The following PRELID2 variants were observed in gnomAD, a reference collection of about 807,000 sequenced individuals.
The protein encoded by PRELID2 is PRELI domain-containing protein 2.
PRELID2 carries 25 observed loss-of-function variants against 28.4 expected under a neutral mutation model. The observed-to-expected ratio is 0.88, with a 90% CI of 0.64 to 1.23. The LOEUF (loss-of-function observed/expected upper bound fraction) is 1.23, where lower values mean the gene tolerates loss of function less well. PRELID2 is among the 50% of genes most tolerant of loss of function. The pLI is 0.00. For missense variants in PRELID2, 201 were observed against 214.4 expected, an observed-to-expected ratio of 0.94 and a Z score of 0.39; for synonymous variants, 76 against 71.6, an observed-to-expected ratio of 1.06 and a Z score of -0.31.
At chr5:145,702,305 G>C (rs771828375) in intron 1 of PRELID2, among the ~76,000 whole-genome samples, 1 of 152,214 alleles carries the variant, frequency 6.6e-6, no homozygotes, top group Middle Eastern at 3.4e-3. Flanking sequence ...TCATCACACA[G>C]ACCACTCCTT....
At chr5:145,300,394 TA>T in the PRELID2 span, among the ~76,000 whole-genome samples, 1 of 152,136 alleles carries the variant, frequency 6.6e-6, no homozygotes, top group African/African-American at 2.4e-5. Flanking sequence ...GTATTGTTTC[TA>T]AACCTTTTTA....
intron 1 of PRELID2, among the ~76,000 whole-genome samples, chr5:145,639,190 C>T (rs963894436): frequency 6.6e-6 from 1 of 152,144 alleles, no homozygotes; most frequent in Non-Finnish European, 1.5e-5. Flanking sequence ...AAACCTATTG[C>T]ATATATAATT....
downstream of PRELID2, among the ~76,000 whole-genome samples, chr5:145,755,892 G>T (rs766972600): frequency 6.6e-6 from 1 of 152,156 alleles, no homozygotes; most frequent in Non-Finnish European, 1.5e-5. Context: ...AGACATTCTG[G>T]TAACAAGGCA....
the PRELID2 span, among the ~76,000 whole-genome samples, chr5:145,322,419 A>T: frequency 6.6e-6 from 1 of 152,150 alleles, no homozygotes. Context: ...GAAAGACATA[A>T]AGCCCTCGTG....
At chr5:145,374,627 C>T in the PRELID2 span, among the ~76,000 whole-genome samples, 1 of 152,002 alleles carries the variant, frequency 6.6e-6, no homozygotes, top group Non-Finnish European at 1.5e-5. Context: ...CAGTCAATCA[C>T]AGCTTTGGTC....
chr5:145,658,537 T>A (rs1754434156), intron 1 of PRELID2, among the ~76,000 whole-genome samples: 1 of 152,126 alleles, frequency 6.6e-6, no homozygotes, highest in Non-Finnish European at 1.5e-5. Context: ...GATGAGTGAG[T>A]ACTTGCTCAG....
the PRELID2 span, among the ~76,000 whole-genome samples, chr5:145,307,571 A>C: frequency 1.3e-5 from 2 of 152,232 alleles, no homozygotes; most frequent in East Asian, 3.9e-4. Flanking sequence ...CCACATGCCT[A>C]CTCAACTATC....
At position 145,591,306 on chromosome 5, in the gene PRELID2, A is replaced by T. The variant is rs190205201; in HGVS notation, n.71-117991T>A. ...GCGAGACTGTGTCTCAAAAAAAAAA[A>T]AAAAATTGAGACCCACATTGATTTG... is the stretch of plus-strand genomic sequence containing the variant. On this transcript the variant is annotated intron_variant and non_coding_transcript_variant, in intron 1 of 2. Coordinates refer to the PRELID2 transcript ENST00000510259. Among the ~76,000 whole-genome samples, 356 of 152,262 alleles carry T rather than the reference A, an allele frequency of 2.3e-3. 1 individual carries two copies. Among genetic ancestry groups the T allele is most frequent in the African/African-American group, 7.8e-3 (325 of 41,562 alleles).
downstream of PRELID2, among the ~76,000 whole-genome samples, chr5:145,470,560 A>G (rs890557864): frequency 2.6e-5 from 4 of 152,134 alleles, no homozygotes; most frequent in African/African-American, 7.2e-5. Flanking sequence ...AAAGAGTTGC[A>G]TAACTGCCCT....
the PRELID2 span, among the ~76,000 whole-genome samples, chr5:145,383,404 G>GTGTA: frequency 6.6e-6 from 1 of 150,512 alleles, no homozygotes; most frequent in African/African-American, 2.4e-5. Flanking sequence ...GTGTGTGTGT[G>GTGTA]TGTACAAATG....
chr5:145,820,006 CCT>C lies in PRELID2; in HGVS notation c.144_145del (p.Val50HisfsTer27). 6.3e-7 allele frequency: 1 copy of C among 1,585,386 alleles called. No homozygotes were observed. The highest frequency in any genetic ancestry group is 8.6e-7 in the Non-Finnish European group (1 of 1,167,170). On this transcript the variant is annotated frameshift_variant, in exon 3 of 7. Transcript: ENST00000683046. LOFTEE classifies it high-confidence loss of function. Reference sequence around the variant, plus strand: ...TGCAATCCTCTTTCTGTAGATGACCCCTGTTGATTCATCTAAAAAAGAAATTT... The same window carrying C: ...TGCAATCCTCTTTCTGTAGATGACCCGTTGATTCATCTAAAAAAGAAATTT...
At chr5:145,334,765 T>C in the PRELID2 span, among the ~76,000 whole-genome samples, 11 of 144,922 alleles carry the variant, frequency 7.6e-5, no homozygotes, top group African/African-American at 2.9e-4. Context: ...GTATTCTTGT[T>C]TGTCAGTTTT....
intron 1 of PRELID2, among the ~76,000 whole-genome samples, chr5:145,634,916 C>T (rs1038344749): frequency 3.5e-4 from 53 of 152,170 alleles, no homozygotes; most frequent in Non-Finnish European, 6.2e-4. Context: ...AGTCTTCCAA[C>T]GTCTTATACA....
chr5:145,336,223 T>G, the PRELID2 span, among the ~76,000 whole-genome samples: 2 of 152,268 alleles, frequency 1.3e-5, no homozygotes, highest in East Asian at 3.9e-4. Context: ...TTTTGTAGGT[T>G]GCCTGTTCAC....
At chr5:145,834,459 G>A (rs978640138) in intron 1 of PRELID2, among the ~76,000 whole-genome samples, 6 of 152,128 alleles carry the variant, frequency 3.9e-5, no homozygotes, top group African/African-American at 1.4e-4. Flanking sequence ...AACAACTTAG[G>A]AAGTGCTTCT....
chr5:145,640,487 A>AAG (rs1754084917), intron 1 of PRELID2, among the ~76,000 whole-genome samples: 1 of 148,028 alleles, frequency 6.8e-6, no homozygotes. Context: ...AAAAAAAAAA[A>AAG]AAAAAAATTG....
In PRELID2 at chr5:145,819,981, T is replaced by G; in HGVS notation, c.171A>C (p.Ala57=). The G allele has an allele frequency of 6.2e-7, 1 of 1,608,044 alleles. No homozygotes were observed. The highest frequency in any genetic ancestry group is 2.2e-5 in the East Asian group (1 of 44,776). The change falls in exon 3 of 7, where the codon GCA becomes GCC. Residue 57 remains alanine (A), a synonymous_variant. Coordinates refer to ENST00000683046, the MANE Select transcript of PRELID2 (RefSeq NM_205846.3). ...STGVIYRKRI[A]ICQNVVPEIL... ...TTTCTGGAACCACGTTCTGACAGAT[T>G]GCAATCCTCTTTCTGTAGATGACCC...
chr5:145,485,506 T>C lies in PRELID2; in HGVS notation n.71-12191A>G, dbSNP rs141958250. 4.1e-4 allele frequency among the ~76,000 whole-genome samples: 63 copies of C among 152,368 alleles called. No homozygotes were observed. In the East Asian group the frequency reaches 0.01, roughly 24 times the overall value. Reference sequence around the variant, plus strand: ...GTATGTAGAGCGTGTTTGCCTGCTCTGTTAACCACAAGTTACTCTTGGCTG... The same window carrying C: ...GTATGTAGAGCGTGTTTGCCTGCTCCGTTAACCACAAGTTACTCTTGGCTG... On this transcript the variant is annotated intron_variant and non_coding_transcript_variant, in intron 1 of 2. Transcript: ENST00000510259.
intron 1 of PRELID2, among the ~76,000 whole-genome samples, chr5:145,638,286 A>G (rs1262486548): frequency 6.6e-6 from 1 of 152,162 alleles, no homozygotes; most frequent in African/African-American, 2.4e-5. Flanking sequence ...AACGGGCATT[A>G]CAATATATTC....
Sources: allele counts gnomAD v4.1 joint callset (sites outside exome capture counted in the v4.1 genomes callset), GRCh38; gene constraint gnomAD v4.1.1; transcripts MANE v1.5; gene names NCBI Gene and HGNC (gene_info 2026-07-23, HGNC 2026-07-21).